Variants in VCPIP1 observed in about 807,000 individuals in gnomAD.
VCPIP1 encodes deubiquitinating protein VCPIP1.
A neutral mutation model predicts 85.0 loss-of-function variants in VCPIP1; 8 were observed. That is an observed-to-expected ratio of 0.09 (90% CI 0.06 to 0.17). The LOEUF (loss-of-function observed/expected upper bound fraction) is 0.17. Among genes scored for constraint, VCPIP1 ranks in the 10% least tolerant of loss-of-function variants. VCPIP1 has a pLI of 1.00. For missense variants in VCPIP1, 1,070 were observed against 1,486.3 expected, an observed-to-expected ratio of 0.72 and a Z score of 4.61; for synonymous variants, 543 against 544.5, an observed-to-expected ratio of 1.00 and a Z score of 0.04.
At chr8:66,653,879 T>C (rs1433392852) in intron 1 of VCPIP1, among the ~76,000 whole-genome samples, 1 of 152,182 alleles carries the variant, frequency 6.6e-6, no homozygotes, top group Non-Finnish European at 1.5e-5. Context: ...TATATATTAA[T>C]CATAAGATTT....
rs749917692 is a variant in VCPIP1 at position 66,635,353 on chromosome 8, A to G, written c.2817T>C (p.His939=). Residue 939 remains histidine, a synonymous_variant, in exon 3 of 3, where the codon CAT becomes CAC. Coordinates refer to ENST00000310421, the MANE Select transcript of VCPIP1 (RefSeq NM_025054.5). ...TGCCAGGCAGATGTGGAAAAGTACA[A>G]TGCTTGCCATCAGCCATACCTAAAA... ...KKTMGMADGK[H]CTFPHLPGKT... 12 of 1,611,968 alleles carry G rather than the reference A, an allele frequency of 7.4e-6. No individual in the cohort carries two copies. The highest frequency in any genetic ancestry group is 8.5e-6 in the Non-Finnish European group (10 of 1,179,116).
intron 2 of VCPIP1, among the ~76,000 whole-genome samples, chr8:66,650,762 G>A (rs1013670200): frequency 6.6e-6 from 1 of 151,366 alleles, no homozygotes; most frequent in Non-Finnish European, 1.5e-5. Context: ...ACACATGGCC[G>A]GGCGTGGTGA....
chr8:66,637,351 AC>A (rs1286177317), intron 2 of VCPIP1, among the ~76,000 whole-genome samples: 6 of 152,074 alleles, frequency 3.9e-5, no homozygotes. Flanking sequence ...CTGTCTAAAA[AC>A]AAAACAAAAC....
chr8:66,651,623 A>G, intron 1 of VCPIP1, 79 bp from the exon 2 acceptor site: 1 of 1,131,444 alleles, frequency 8.8e-7, no homozygotes, highest in Non-Finnish European at 1.3e-6. Flanking sequence ...GGATTAGCCT[A>G]GAATAAACAT....
At chr8:66,659,839 C>T (rs1811138961) in intron 1 of VCPIP1, among the ~76,000 whole-genome samples, 3 of 151,822 alleles carry the variant, frequency 2.0e-5, no homozygotes, top group Admixed American at 2.0e-4. Flanking sequence ...GGTTGAGAAT[C>T]ACTTGGACCC....
At position 66,630,207 on chromosome 8, in the gene VCPIP1, ATACAG is replaced by A. The variant is rs1810820981; in HGVS notation, c.*4289_*4293del. The A allele has an allele frequency of 6.6e-6, 1 of 152,248 alleles. No individual in the cohort carries two copies. The highest frequency in any genetic ancestry group is 6.5e-5 in the Admixed American group (1 of 15,292). The allele number at this position is 152,248 out of a possible 1,614,324, so 9.4% of individuals were successfully genotyped here. On this transcript the variant is annotated 3_prime_UTR_variant, in exon 3 of 3. Coordinates refer to ENST00000310421, the MANE Select transcript of VCPIP1 (RefSeq NM_025054.5). Reference sequence around the variant, plus strand: ...ATTATTCATTACTCAAATGTAATATATACAGTAATCACGAAATCGGAAAATAATGG... The same window carrying A: ...ATTATTCATTACTCAAATGTAATATATAATCACGAAATCGGAAAATAATGG...
intron 1 of VCPIP1, among the ~76,000 whole-genome samples, chr8:66,655,278 T>C (rs945386381): frequency 3.9e-5 from 6 of 152,356 alleles, no homozygotes; most frequent in Admixed American, 3.3e-4. Flanking sequence ...ACTCATAGTA[T>C]TGGTTGAATG....
chr8:66,662,624 C>A (rs1017289249), intron 1 of VCPIP1, among the ~76,000 whole-genome samples: 4 of 152,056 alleles, frequency 2.6e-5, no homozygotes, highest in Admixed American at 6.5e-5. Context: ...TGAGGAAGAT[C>A]TTCTCTTTCC....
At chr8:66,659,279 C>G (rs149847559) in intron 1 of VCPIP1, among the ~76,000 whole-genome samples, 1 of 151,222 alleles carries the variant, frequency 6.6e-6, no homozygotes, top group African/African-American at 2.4e-5. Context: ...TCACTGCAAC[C>G]GCACCAGGTC....
Position 66,666,393 on chromosome 8 carries a change from A to T in VCPIP1, c.566T>A (p.Leu189Gln). Residue 189 changes from leucine to glutamine, a missense_variant, in exon 1 of 3, where the codon CTG (leucine) becomes CAG (glutamine). By Grantham distance (113) the Leu-to-Gln change is moderately radical. Around this residue, in one of 8 missense-constraint regions of VCPIP1, gnomAD observed 118 missense variants for 337.1 expected, o/e 0.35. Coordinates refer to ENST00000310421, the MANE Select transcript of VCPIP1 (RefSeq NM_025054.5). This position sits in a 1 kb window ranked among gnomAD's most constrained non-coding sequence, Gnocchi z 6.3. ...GYGKDRSGSL[L>Q]YLHDTLEDIK... ...GTCCTCCAGAGTGTCATGCAAATACAGGAGGCTTCCGGAGCGGTCCTTGCC... is the reference window on the plus strand; with the variant it reads ...GTCCTCCAGAGTGTCATGCAAATACTGGAGGCTTCCGGAGCGGTCCTTGCC... 6.2e-7 allele frequency: 1 copy of T among 1,614,090 alleles called. No homozygotes were observed. Among genetic ancestry groups the T allele is most frequent in the South Asian group, 1.1e-5 (1 of 91,076 alleles).
chr8:66,645,378 A>G (rs1159955155), intron 2 of VCPIP1, among the ~76,000 whole-genome samples: 4 of 152,142 alleles, frequency 2.6e-5, no homozygotes, highest in Non-Finnish European at 5.9e-5. Context: ...AGATTGCACC[A>G]CTGCACTGGC....
chr8:66,635,017 T>C lies in VCPIP1; in HGVS notation c.3153A>G (p.Val1051=), dbSNP rs751952011. 6.2e-7 allele frequency: 1 copy of C among 1,613,610 alleles called. No individual in the cohort carries two copies. Among genetic ancestry groups the C allele is most frequent in the Non-Finnish European group, 8.5e-7 (1 of 1,179,644 alleles). Residue 1051 remains valine, a synonymous_variant, in exon 3 of 3, where the codon GTA becomes GTG. Coordinates refer to ENST00000310421, the MANE Select transcript of VCPIP1 (RefSeq NM_025054.5). The part of the protein sequence containing the change: ...LDPRARETSV[V]RKHNTGTDFS... ...AGTCTGTCCCTGTATTATGCTTTCT[T>C]ACAACTGAAGTTTCCCTAGCTCTTG...
chr8:66,638,964 C>CTATATATA (rs765356671), intron 2 of VCPIP1, among the ~76,000 whole-genome samples: 11 of 132,560 alleles, frequency 8.3e-5, no homozygotes, highest in African/African-American at 3.8e-4. Flanking sequence ...CTCTCTCTCT[C>CTATATATA]TCTCTCTATA....
intron 1 of VCPIP1, among the ~76,000 whole-genome samples, chr8:66,654,890 T>C (rs555977802): frequency 6.6e-6 from 1 of 152,360 alleles, no homozygotes; most frequent in Non-Finnish European, 1.5e-5. Flanking sequence ...TCCTTTTCCA[T>C]GGCATACAAG....
chr8:66,656,844 A>G (rs1811104881), intron 1 of VCPIP1, among the ~76,000 whole-genome samples: 1 of 149,458 alleles, frequency 6.7e-6, no homozygotes, highest in Admixed American at 6.6e-5. Context: ...TCCTGACCTC[A>G]GGCGATCCGC....
chr8:66,641,054 A>T (rs1011814333), intron 2 of VCPIP1, among the ~76,000 whole-genome samples: 1 of 152,120 alleles, frequency 6.6e-6, no homozygotes, highest in African/African-American at 2.4e-5. Context: ...ACCCCCCTAG[A>T]TGCTGCTGCA....
chr8:66,647,746 G>A (rs78266272), intron 2 of VCPIP1, among the ~76,000 whole-genome samples: 1 of 152,046 alleles, frequency 6.6e-6, no homozygotes, highest in Non-Finnish European at 1.5e-5. Context: ...TCAACAAATG[G>A]TGCTGGAACA....
intron 2 of VCPIP1, among the ~76,000 whole-genome samples, chr8:66,642,783 TC>T (rs1177223348): frequency 6.6e-6 from 1 of 152,018 alleles, no homozygotes; most frequent in Non-Finnish European, 1.5e-5. Context: ...AAGATAGCCA[TC>T]CCCATGCCAC....
Position 66,628,982 on chromosome 8 carries a change from C to G in VCPIP1, c.*5519G>C, listed in dbSNP as rs370908411. 1.4e-4 allele frequency: 21 copies of G among 152,280 alleles called. No homozygotes were observed. Among genetic ancestry groups the G allele is most frequent in the African/African-American group, 5.1e-4 (21 of 41,556 alleles). The allele number at this position is 152,280 out of a possible 1,614,324, so 9.4% of individuals were successfully genotyped here. On this transcript the variant is annotated 3_prime_UTR_variant, in exon 3 of 3. Coordinates refer to ENST00000310421, the MANE Select transcript of VCPIP1 (RefSeq NM_025054.5). ...TGGTCATAAATGTTTGAATGTACAA[C>G]CCCCCATTTTTTAGTCAATTATGTA...
Sources: gnomAD v4.1 joint callset for allele counts (sites outside exome capture counted in the v4.1 genomes callset) on GRCh38, gnomAD v4.1.1 for gene constraint, gnomAD v4.1.1 regional missense constraint, Gnocchi (gnomAD v3.1) non-coding constraint, MANE v1.5 for transcripts, NCBI Gene and HGNC (gene_info 2026-07-23, HGNC 2026-07-21) for gene names.